Variants in RP1 observed in about 807,000 individuals in gnomAD.
The protein encoded by RP1 is RP1 axonemal microtubule associated, also known as oxygen-regulated protein 1.
A neutral mutation model predicts 14.8 loss-of-function variants in RP1; 16 were observed. The observed-to-expected ratio is 1.08, with a 90% CI of 0.73 to 1.65. RP1 has a LOEUF of 1.65. Ranked by LOEUF, RP1 falls within the 40% of genes most tolerant of loss-of-function variation. The pLI is 0.00. For missense variants in RP1, 2,631 were observed against 2,535.0 expected, an observed-to-expected ratio of 1.04 and a Z score of -0.81; for synonymous variants, 876 against 883.6, an observed-to-expected ratio of 0.99 and a Z score of 0.15.
At chr8:54,699,344 C>T in intron 12 of RP1, 1 of 414,910 alleles carries the variant, frequency 2.4e-6, no homozygotes, top group Non-Finnish European at 4.2e-6. Flanking sequence ...TGCATTTTAC[C>T]TTTAACTGAA....
chr8:54,814,141 A>G (rs1317897199), intron 24 of RP1, among the ~76,000 whole-genome samples: 3 of 152,236 alleles, frequency 2.0e-5, no homozygotes, highest in Non-Finnish European at 4.4e-5. Flanking sequence ...TAAACCAGAT[A>G]AATTTTGACT....
rs375828562 is a variant in RP1 at position 54,726,589 on chromosome 8, C to A, written c.2521+113C>A. ...TTTTACAGCATATATTATGTTATAC[C>A]ACATGGACTGCTTGTAAGCTGTTAT... On this transcript the variant is annotated intron_variant, in intron 17 of 22. Coordinates refer to the RP1 transcript ENST00000636932. 917 of 1,081,508 alleles carry A rather than the reference C, an allele frequency of 8.5e-4. 1 individual carries two copies. The highest frequency in any genetic ancestry group is 1.1e-3 in the Non-Finnish European group (893 of 810,282). The allele number at this position is 1,081,508 out of a possible 1,614,324, so 67.0% of individuals were successfully genotyped here.
intron 6 of RP1, among the ~76,000 whole-genome samples, chr8:54,659,001 G>A (rs1806819202): frequency 6.6e-6 from 1 of 151,880 alleles, no homozygotes; most frequent in Non-Finnish European, 1.5e-5. Flanking sequence ...AGGCTTGTAG[G>A]CCATTTGTAT....
chr8:54,578,101 C>G (rs1804700778), intron 1 of RP1, among the ~76,000 whole-genome samples: 1 of 152,072 alleles, frequency 6.6e-6, no homozygotes, highest in African/African-American at 2.4e-5. Flanking sequence ...CTCCCTCCTC[C>G]CCCGACCCCA....
At chr8:54,839,035 A>T (rs1431751743) in intron 25 of RP1, among the ~76,000 whole-genome samples, 1 of 152,198 alleles carries the variant, frequency 6.6e-6, no homozygotes, top group Non-Finnish European at 1.5e-5. Flanking sequence ...AATACTAGCC[A>T]TTACCATCAT....
downstream of RP1, among the ~76,000 whole-genome samples, chr8:54,771,240 A>G (rs1250711496): frequency 2.0e-5 from 3 of 152,066 alleles, no homozygotes; most frequent in Admixed American, 1.3e-4. Flanking sequence ...TAATAATTTT[A>G]AGGGACCTCC....
chr8:54,793,027 A>C (rs1204061413), intron 24 of RP1, among the ~76,000 whole-genome samples: 1 of 151,848 alleles, frequency 6.6e-6, no homozygotes, highest in East Asian at 1.9e-4. Flanking sequence ...CCACAGAAAT[A>C]CATAGGATCA....
intron 24 of RP1, among the ~76,000 whole-genome samples, chr8:54,800,602 T>G (rs2129388752): frequency 6.6e-6 from 1 of 152,344 alleles, no homozygotes; most frequent in Admixed American, 6.5e-5. Flanking sequence ...AAATATTCAT[T>G]GATTCTTCCC....
chr8:54,652,046 C>G (rs1027803088), intron 4 of RP1, among the ~76,000 whole-genome samples: 1 of 148,696 alleles, frequency 6.7e-6, no homozygotes, highest in Admixed American at 6.8e-5. Context: ...CTATCTCTCT[C>G]GCACAGGCTG....
Position 54,720,235 on chromosome 8 carries a change from C to A in RP1, c.2318C>A (p.Ser773Ter). 1 of 1,535,928 alleles carries A rather than the reference C, an allele frequency of 6.5e-7. No homozygotes were observed. Among genetic ancestry groups the A allele is most frequent in the South Asian group, 1.2e-5 (1 of 84,048 alleles). The change falls in exon 16 of 23, where the codon TCA (serine) becomes TAA (stop). Residue 773 changes from serine to a stop codon, truncating the protein, a stop_gained. Coordinates refer to the RP1 transcript ENST00000636932. LOFTEE classifies it high-confidence loss of function. ...CCAGGATTGTTTGTTGGACTTCAGTCAGATGGGCAGGCAAAACCAATGATT... is the reference window on the plus strand; with the variant it reads ...CCAGGATTGTTTGTTGGACTTCAGTAAGATGGGCAGGCAAAACCAATGATT...
At chr8:54,846,037 C>T (rs1382764024) in intron 25 of RP1, among the ~76,000 whole-genome samples, 1 of 152,230 alleles carries the variant, frequency 6.6e-6, no homozygotes, top group Non-Finnish European at 1.5e-5. Context: ...TTGCGAAGGG[C>T]TGCCCTCATT....
chr8:54,790,840 G>T (rs751776915), intron 24 of RP1, among the ~76,000 whole-genome samples: 2 of 152,070 alleles, frequency 1.3e-5, no homozygotes, highest in South Asian at 2.1e-4. Context: ...AGCGAAGAAA[G>T]GTTATGAGTT....
At chr8:54,752,591 T>C (rs993056711) in intron 19 of RP1, among the ~76,000 whole-genome samples, 1 of 152,204 alleles carries the variant, frequency 6.6e-6, no homozygotes, top group Non-Finnish European at 1.5e-5. Context: ...GAGTTGTGGG[T>C]GGGCAGAGCC....
chr8:54,673,374 G>C (rs1807221569), intron 7 of RP1, among the ~76,000 whole-genome samples: 1 of 152,018 alleles, frequency 6.6e-6, no homozygotes, highest in South Asian at 2.1e-4. Context: ...TTCACTTTTT[G>C]TCTGTATTCT....
At chr8:54,580,232 C>G (rs1387365826) in intron 1 of RP1, among the ~76,000 whole-genome samples, 1 of 150,832 alleles carries the variant, frequency 6.6e-6, no homozygotes, top group African/African-American at 2.4e-5. Flanking sequence ...CACTTAATAA[C>G]TGGTAGCATT....
chr8:54,765,436 G>A (rs1398047318), intron 22 of RP1, among the ~76,000 whole-genome samples: 4 of 152,222 alleles, frequency 2.6e-5, no homozygotes, highest in Non-Finnish European at 5.9e-5. Context: ...AGAAGCAGGG[G>A]CAGCCCTGTT....
intron 21 of RP1, chr8:54,758,819 T>A: frequency 8.3e-7 from 1 of 1,201,846 alleles, no homozygotes. Context: ...TTTAAAGTAT[T>A]GTGCTGCTTC....
At position 54,630,170 on chromosome 8, in the gene RP1, C is replaced by G. The variant is rs1255153526; in HGVS notation, c.6288C>G (p.Phe2096Leu). 1 of 1,613,716 alleles carries G rather than the reference C, an allele frequency of 6.2e-7. No individual in the cohort carries two copies. The highest frequency in any genetic ancestry group is 8.5e-7 in the Non-Finnish European group (1 of 1,179,932). ...GAGAAAATATCAACTGTCATTACTTCTTTGAAATGCTTGGTCAAGCTTGCC... is the reference window on the plus strand; with the variant it reads ...GAGAAAATATCAACTGTCATTACTTGTTTGAAATGCTTGGTCAAGCTTGCC... ...VVRENINCHYFFEMLGQACLL... is the reference protein window; with the variant it reads ...VVRENINCHYLFEMLGQACLL... The change falls in exon 4 of 4, where the codon TTC becomes TTG. Residue 2096 changes from phenylalanine (F) to leucine (L), a missense_variant. Phe to Leu is a conservative substitution (Grantham distance 22). Transcript: ENST00000220676.
intron 1 of RP1, among the ~76,000 whole-genome samples, chr8:54,581,995 T>A (rs150268539): frequency 0.2 from 30,428 of 152,058 alleles, 3,485 homozygotes; most frequent in East Asian, 0.36. Flanking sequence ...GTGCAGAAGC[T>A]CTTTAGTTTA....
Sources: gnomAD v4.1 joint callset for allele counts (sites outside exome capture counted in the v4.1 genomes callset) on GRCh38, gnomAD v4.1.1 for gene constraint, MANE v1.5 for transcripts, NCBI Gene and HGNC (gene_info 2026-07-23, HGNC 2026-07-21) for gene names.